The following TOP1MT variants were observed in gnomAD, a reference collection of about 807,000 sequenced individuals.
TOP1MT encodes DNA topoisomerase I mitochondrial.
Under a neutral mutation model 73.9 loss-of-function variants are expected in TOP1MT, and 80 were observed. The observed-to-expected ratio is 1.08, with a 90% CI of 0.90 to 1.30. The LOEUF (loss-of-function observed/expected upper bound fraction) is 1.30. Among genes scored for constraint, TOP1MT ranks in the 50% most tolerant of loss-of-function variants. The probability of loss-of-function intolerance (pLI) is 0.00; values close to 1 mark genes in which losing one functional copy is unlikely to be tolerated. For missense variants in TOP1MT, 815 were observed against 808.0 expected (o/e 1.01, Z -0.10); for synonymous variants, 338 against 326.4 (o/e 1.04, Z -0.38).
At chr8:143,313,991 G>A (rs1816083649) in intron 12 of TOP1MT, among the ~76,000 whole-genome samples, 1 of 152,174 alleles carries the variant, frequency 6.6e-6, no homozygotes, top group Non-Finnish European at 1.5e-5. Context: ...ATTCTCCAGA[G>A]ACGATACAGA....
chr8:143,318,774 A>G (rs899329991), intron 8 of TOP1MT, among the ~76,000 whole-genome samples: 1 of 151,778 alleles, frequency 6.6e-6, no homozygotes, highest in Non-Finnish European at 1.5e-5. Context: ...TCAGCCTGGC[A>G]CCATGGCTGA....
At chr8:143,343,557 G>A (rs545351876) in intron 1 of TOP1MT, 23 of 274,762 alleles carry the variant, frequency 8.4e-5, no homozygotes, top group African/African-American at 2.8e-4. Context: ...TCCCGGCCTC[G>A]GGAAGAGTGG....
chr8:143,331,371 T>C (rs1563766521), intron 1 of TOP1MT, 32 bp from the exon 2 acceptor site: 4 of 1,579,464 alleles, frequency 2.5e-6, no homozygotes, highest in Non-Finnish European at 3.5e-6. Flanking sequence ...GTCACTCTCC[T>C]GGGCCAGGCC....
chr8:143,323,231 C>T (rs1358171551), intron 7 of TOP1MT, among the ~76,000 whole-genome samples: 1 of 130,066 alleles, frequency 7.7e-6, no homozygotes, highest in Non-Finnish European at 1.6e-5. Context: ...ACGCCACACA[C>T]AGGCACGCCA....
At chr8:143,313,845 G>A (rs1290860657) in intron 12 of TOP1MT, among the ~76,000 whole-genome samples, 1 of 149,178 alleles carries the variant, frequency 6.7e-6, no homozygotes, top group Non-Finnish European at 1.5e-5. Context: ...ACAGAGCAAT[G>A]CTCTGTCTCC....
At position 143,329,462 on chromosome 8, in the gene TOP1MT, A is replaced by G. The variant is rs1294237824; in HGVS notation, c.248T>C (p.Val83Ala). The G allele has an allele frequency of 3.1e-6, 5 of 1,608,330 alleles. No homozygotes were observed. The African/African-American group carries it at 6.7e-5, about 22-fold the overall frequency. Residue 83 changes from valine to alanine, a missense_variant, in exon 3 of 14, where the codon GTG becomes GCG. Val to Ala is a moderately conservative substitution (Grantham distance 64). Around this residue, in one of 3 missense-constraint regions of TOP1MT, gnomAD observed 751 missense variants for 725.4 expected, o/e 1.04. Coordinates refer to ENST00000329245, the MANE Select transcript of TOP1MT (RefSeq NM_052963.3). ...CTCCTCCGCTGCCACGCTCAATCTC[A>G]CAGGCCTTCCTGCAGGCATCGGAAG... is the stretch of plus-strand genomic sequence containing the variant. ...GVRFFYEGRP[V>A]RLSVAAEEVA...
At chr8:143,351,237 C>G (rs898596011) in intron 1 of TOP1MT, among the ~76,000 whole-genome samples, 2 of 152,314 alleles carry the variant, frequency 1.3e-5, no homozygotes, top group Admixed American at 1.3e-4. Flanking sequence ...ACAGCGGCCT[C>G]TCCTGGAAAA....
In TOP1MT at chr8:143,321,359, C is replaced by A. The variant is rs749629095; in HGVS notation, c.988G>T (p.Glu330Ter). The A allele has an allele frequency of 6.3e-7, 1 of 1,594,744 alleles. No individual in the cohort carries two copies. The highest frequency in any genetic ancestry group is 2.2e-5 in the East Asian group (1 of 44,458). The change falls in exon 8 of 14, where the codon GAG becomes TAG. Residue 330 changes from glutamate (E) to a stop codon, truncating the protein, a stop_gained. Transcript: ENST00000329245. LOFTEE classifies it high-confidence loss of function. ...KLALRAGNEK[E>*]DGEAADTVGC... ...ACGGTGTCGGCCGCCTCACCGTCCT[C>A]CTTCTCATTTCCTGCTCTCAGTGCC...
chr8:143,346,015 C>G (rs2467933), upstream of TOP1MT, among the ~76,000 whole-genome samples: 35,461 of 152,128 alleles, frequency 0.23, 7,962 homozygotes, highest in African/African-American at 0.59. Context: ...CAGTGGCTTT[C>G]CAGAGGGACA....
chr8:143,331,069 A>G (rs1251107363), intron 2 of TOP1MT, among the ~76,000 whole-genome samples, 155 bp downstream of exon 2: 1 of 152,198 alleles, frequency 6.6e-6, no homozygotes, highest in Non-Finnish European at 1.5e-5. Context: ...TCAGTTGGTC[A>G]GCAGCCCCCA....
intron 7 of TOP1MT, among the ~76,000 whole-genome samples, chr8:143,322,615 T>G (rs1359397692): frequency 1.0e-4 from 6 of 59,390 alleles, no homozygotes; most frequent in East Asian, 1.5e-3. Flanking sequence ...CACACATGCA[T>G]GCCACACAGG....
chr8:143,322,128 GGCACGCCACACAGGCACGCCACAC>G (rs1563758793), intron 7 of TOP1MT, among the ~76,000 whole-genome samples: 1 of 17,632 alleles, frequency 5.7e-5, no homozygotes, highest in Non-Finnish European at 1.3e-4. Context: ...CACACACACA[GGCACGCCACACAGGCACGCCACAC>G]GCACGCCACA....
chr8:143,331,180 GA>G, intron 2 of TOP1MT, 43 bp downstream of exon 2: 1 of 1,503,316 alleles, frequency 6.7e-7, no homozygotes, highest in Non-Finnish European at 9.1e-7. Flanking sequence ...CACGCCCAGG[GA>G]ACCAAGCGCA....
intron 1 of TOP1MT, among the ~76,000 whole-genome samples, chr8:143,354,437 G>A (rs1586787938): frequency 6.6e-6 from 1 of 152,244 alleles, no homozygotes; most frequent in East Asian, 1.9e-4. Flanking sequence ...CGTTAGCCGG[G>A]CGTGGTGGCT....
In TOP1MT at chr8:143,321,290, C is replaced by A; in HGVS notation, c.1057G>T (p.Glu353Ter). The A allele has an allele frequency of 6.2e-7, 1 of 1,612,680 alleles. No individual in the cohort carries two copies. Among genetic ancestry groups the A allele is most frequent in the African/African-American group, 1.3e-5 (1 of 75,004 alleles). ...LRVEHVQLHP[E>*]ADGCQHVVEF... The stretch of plus-strand genomic sequence containing the variant: ...ACCACGTGTTGGCAGCCATCGGCCT[C>A]CGGGTGCAGCTGGACGTGCTCCACG... The change falls in exon 8 of 14, where the codon GAG becomes TAG. Residue 353 changes from glutamate to a stop codon, truncating the protein, a stop_gained. Coordinates refer to ENST00000329245, the MANE Select transcript of TOP1MT (RefSeq NM_052963.3). LOFTEE classifies it high-confidence loss of function.
At chr8:143,355,656 G>A (rs943169975) in intron 1 of TOP1MT, among the ~76,000 whole-genome samples, 5 of 152,172 alleles carry the variant, frequency 3.3e-5, no homozygotes, top group Admixed American at 6.5e-5. Flanking sequence ...AAGGGCCCCT[G>A]GCACATGAGG....
At position 143,326,354 on chromosome 8, in the gene TOP1MT, CCA is replaced by C. The variant is rs751958498; in HGVS notation, c.361-12_361-11del. Reference sequence around the variant, plus strand: ...CTTCCACCGCCATTTCCTGCAAAAACCACAGACACGCGCTCTCACCATGTCTG... The same window carrying C: ...CTTCCACCGCCATTTCCTGCAAAAACCAGACACGCGCTCTCACCATGTCTG... On this transcript the variant is annotated splice_polypyrimidine_tract_variant and intron_variant, in intron 3 of 13. Coordinates refer to ENST00000329245, the MANE Select transcript of TOP1MT (RefSeq NM_052963.3). 5 of 1,613,930 alleles carry C rather than the reference CCA, an allele frequency of 3.1e-6. No homozygotes were observed. The highest frequency in any genetic ancestry group is 4.2e-6 in the Non-Finnish European group (5 of 1,179,970).
intron 2 of TOP1MT, among the ~76,000 whole-genome samples, chr8:143,342,930 T>A (rs907983429): frequency 6.6e-6 from 1 of 151,688 alleles, no homozygotes; most frequent in African/African-American, 2.4e-5. Flanking sequence ...CCCGGCTAAT[T>A]TTGTATTTTT....
chr8:143,333,007 A>G (rs757508303), intron 1 of TOP1MT, among the ~76,000 whole-genome samples: 1 of 152,224 alleles, frequency 6.6e-6, no homozygotes, highest in Non-Finnish European at 1.5e-5. Context: ...ACCAGCCCTG[A>G]TACAGCATGT....
Sources: gnomAD v4.1 joint callset for allele counts (sites outside exome capture counted in the v4.1 genomes callset) on GRCh38, gnomAD v4.1.1 for gene constraint, gnomAD v4.1.1 regional missense constraint, MANE v1.5 for transcripts, NCBI Gene and HGNC (gene_info 2026-07-23, HGNC 2026-07-21) for gene names.